Variants in PTPRK observed in about 807,000 individuals in gnomAD.
The protein encoded by PTPRK is receptor-type tyrosine-protein phosphatase kappa.
In PTPRK, 75 loss-of-function variants were observed where a neutral mutation model predicts 178.0. The observed-to-expected ratio is 0.42, with a 90% CI of 0.35 to 0.51. The LOEUF is 0.51. PTPRK is among the 20% of genes least tolerant of loss of function. The probability of loss-of-function intolerance (pLI) is 0.02; values close to 1 mark genes in which losing one functional copy is unlikely to be tolerated. For synonymous variants in PTPRK, 637 were observed against 620.6 expected (o/e 1.03, Z -0.39); for missense variants, 1,441 against 1,797.8 (o/e 0.80, Z 3.59).
chr6:128,475,868 A>C (rs1389639060), intron 1 of PTPRK, among the ~76,000 whole-genome samples: 1 of 152,040 alleles, frequency 6.6e-6, no homozygotes, highest in East Asian at 1.9e-4. Flanking sequence ...TTCCTTTAAA[A>C]AGACAGTATA....
rs961834104 is a variant in PTPRK, at chr6:128,075,564, A to G, written c.1883+3249T>C. 2.0e-5 allele frequency among the ~76,000 whole-genome samples: 3 copies of G among 152,054 alleles called. 1 individual carries two copies. The highest frequency in any genetic ancestry group is 7.2e-5 in the African/African-American group (3 of 41,422). The stretch of plus-strand genomic sequence containing the variant: ...GTTATTATTGCACTTATCACACAGC[A>G]TTGTTACCAGTCATTAATTTAGGAG... On this transcript the variant is annotated intron_variant, in intron 11 of 29. Transcript: ENST00000368226.
At position 128,104,567 on chromosome 6, in the gene PTPRK, C is replaced by T. The variant is rs369819418; in HGVS notation, c.1163-14575G>A. Reference sequence around the variant, plus strand: ...TAAAATACTTGGTACGTAATCATTGCTCAATACATATTTGAGCTGATAAAT... The same window carrying T: ...TAAAATACTTGGTACGTAATCATTGTTCAATACATATTTGAGCTGATAAAT... On this transcript the variant is annotated intron_variant, in intron 7 of 29. Coordinates refer to ENST00000368226, the MANE Select transcript of PTPRK (RefSeq NM_002844.4). Among the ~76,000 whole-genome samples the T allele has an allele frequency of 2.6e-5, 4 of 152,302 alleles. No individual in the cohort carries two copies. In the East Asian group the frequency reaches 7.7e-4, roughly 29 times the overall value.
chr6:127,981,356 T>C (rs1372534109), intron 24 of PTPRK, 67 bp from the exon 25 acceptor site: 3 of 1,395,680 alleles, frequency 2.1e-6, no homozygotes, highest in Admixed American at 2.3e-5. Flanking sequence ...CACAGATCCA[T>C]CAGGAATTTA....
At chr6:128,312,948 C>T (rs1827455811) in intron 3 of PTPRK, among the ~76,000 whole-genome samples, 3 of 152,160 alleles carry the variant, frequency 2.0e-5, no homozygotes, top group South Asian at 2.1e-4. Context: ...TTTAAAGAAA[C>T]ATTAACAAAT....
At chr6:128,339,923 G>A (rs745395064) in intron 2 of PTPRK, among the ~76,000 whole-genome samples, 1 of 152,074 alleles carries the variant, frequency 6.6e-6, no homozygotes, top group African/African-American at 2.4e-5. Flanking sequence ...AGTAAGAGAG[G>A]TAGTTTTGGC....
At chr6:128,102,662 T>C (rs540093861) in intron 7 of PTPRK, among the ~76,000 whole-genome samples, 2 of 152,176 alleles carry the variant, frequency 1.3e-5, no homozygotes, top group Non-Finnish European at 2.9e-5. Flanking sequence ...GAAAATACTT[T>C]TGAATGTTAA....
intron 7 of PTPRK, among the ~76,000 whole-genome samples, chr6:128,166,248 AT>A (rs969283893): frequency 1.3e-5 from 2 of 150,970 alleles, no homozygotes; most frequent in Non-Finnish European, 3.0e-5. Context: ...CCAACAGAAA[AT>A]TTTTTTTTCT....
At chr6:128,120,620 T>C (rs1445236932) in intron 7 of PTPRK, among the ~76,000 whole-genome samples, 1 of 151,998 alleles carries the variant, frequency 6.6e-6, no homozygotes, top group African/African-American at 2.4e-5. Flanking sequence ...ACTTATTGAA[T>C]ATTAATCATG....
At chr6:128,005,619 C>A (rs1448082961) in intron 14 of PTPRK, among the ~76,000 whole-genome samples, 1 of 149,262 alleles carries the variant, frequency 6.7e-6, no homozygotes, top group Non-Finnish European at 1.5e-5. Context: ...GTAATTAATT[C>A]TTTTGATCAA....
intron 13 of PTPRK, among the ~76,000 whole-genome samples, chr6:128,025,218 G>A (rs569265578): frequency 1.3e-3 from 204 of 152,318 alleles, no homozygotes; most frequent in Admixed American, 2.4e-3. Context: ...CTCTCTCCCT[G>A]TGAGGCCAAG....
At chr6:128,009,917 T>A (rs1181439726) in intron 13 of PTPRK, among the ~76,000 whole-genome samples, 2 of 151,180 alleles carry the variant, frequency 1.3e-5, no homozygotes, top group East Asian at 1.9e-4. Context: ...TGATTATTTT[T>A]AAAAACTTCT....
intron 13 of PTPRK, among the ~76,000 whole-genome samples, chr6:128,057,419 T>A (rs1780087316): frequency 6.6e-6 from 1 of 152,124 alleles, no homozygotes; most frequent in South Asian, 2.1e-4. Flanking sequence ...ATTGTGCAAA[T>A]AATGTGCTTT....
At position 128,356,482 on chromosome 6, in the gene PTPRK, T is replaced by C. The variant is rs139959709; in HGVS notation, c.224-34172A>G. Among the ~76,000 whole-genome samples, 790 of 152,270 alleles carry C rather than the reference T, an allele frequency of 5.2e-3. 5 individuals carry two copies. Among genetic ancestry groups the C allele is most frequent in the African/African-American group, 0.018 (743 of 41,542 alleles). On this transcript the variant is annotated intron_variant, in intron 2 of 29. Transcript: ENST00000368226. ...TTCATTTCTCATCCTACTGTATCTT[T>C]CCAAAGCAATGAGAACTATTGGCAA...
intron 13 of PTPRK, among the ~76,000 whole-genome samples, chr6:128,014,607 C>A (rs996437712): frequency 2.0e-5 from 3 of 151,486 alleles, no homozygotes; most frequent in African/African-American, 7.3e-5. Context: ...GATGTCAGTT[C>A]TTTGGGTCCA....
At chr6:128,098,766 T>C (rs1338809506) in intron 7 of PTPRK, among the ~76,000 whole-genome samples, 1 of 152,212 alleles carries the variant, frequency 6.6e-6, no homozygotes, top group African/African-American at 2.4e-5. Flanking sequence ...TATACTAATC[T>C]GTTGTGCTGA....
intron 5 of PTPRK, chr6:128,238,185 C>CAAAAAAAAAAAAAAAAGAA: frequency 9.8e-6 from 2 of 203,784 alleles, no homozygotes; most frequent in South Asian, 5.9e-5. Flanking sequence ...TAGCAAACGC[C>CAAAAAAAAAAAAAAAAGAA]AAAAAAAAAA....
chr6:128,376,055 C>T (rs1837027894), intron 2 of PTPRK, among the ~76,000 whole-genome samples: 1 of 152,104 alleles, frequency 6.6e-6, no homozygotes, highest in African/African-American at 2.4e-5. Context: ...CTTTTCCAGG[C>T]ACACAATGCA....
intron 1 of PTPRK, among the ~76,000 whole-genome samples, chr6:128,518,058 C>T (rs1858355491): frequency 6.6e-6 from 1 of 152,032 alleles, no homozygotes; most frequent in South Asian, 2.1e-4. Context: ...ATTTACAAAA[C>T]AAACTTATAA....
intron 2 of PTPRK, among the ~76,000 whole-genome samples, chr6:128,397,092 T>C (rs991480448): frequency 1.1e-4 from 16 of 152,188 alleles, no homozygotes; most frequent in Non-Finnish European, 1.8e-4. Context: ...GTCTCCACAC[T>C]GCCTCCCCTC....
Sources: allele counts gnomAD v4.1 joint callset (sites outside exome capture counted in the v4.1 genomes callset), GRCh38; gene constraint gnomAD v4.1.1; transcripts MANE v1.5; gene names NCBI Gene and HGNC (gene_info 2026-07-23, HGNC 2026-07-21).